Variants in ESR1 observed in about 807,000 individuals in gnomAD.
The protein encoded by ESR1 is estrogen receptor 1.
ESR1 carries 12 observed loss-of-function variants against 52.7 expected under a neutral mutation model. The observed-to-expected ratio is 0.23, with a 90% CI of 0.15 to 0.37. The LOEUF (loss-of-function observed/expected upper bound fraction) is 0.37, where lower values mean the gene tolerates loss of function less well. Among genes scored for constraint, ESR1 ranks in the 10% least tolerant of loss-of-function variants. The pLI is 1.00. For synonymous variants in ESR1, 305 were observed against 316.8 expected (o/e 0.96, Z 0.39); for missense variants, 584 against 779.7 (o/e 0.75, Z 2.99).
chr6:151,667,720 G>A (rs150296530), intron 1 of ESR1, among the ~76,000 whole-genome samples: 240 of 152,246 alleles, frequency 1.6e-3, no homozygotes, highest in Non-Finnish European at 2.7e-3. Context: ...GGAAGACAGC[G>A]ACAAAGCATT....
chr6:151,824,485 C>G (rs553282572), intron 1 of ESR1, among the ~76,000 whole-genome samples: 13 of 152,152 alleles, frequency 8.5e-5, no homozygotes, highest in African/African-American at 1.4e-4. Context: ...AATTAGATCC[C>G]ATTTGTCAAT....
chr6:151,925,153 G>A (rs2032485367), intron 3 of ESR1, among the ~76,000 whole-genome samples: 1 of 62,478 alleles, frequency 1.6e-5, no homozygotes, highest in Non-Finnish European at 3.1e-5. Context: ...TGTTTTTTTA[G>A]TATTTAATAA....
chr6:151,774,320 G>A (rs1286958341), intron 2 of ESR1, among the ~76,000 whole-genome samples: 1 of 152,218 alleles, frequency 6.6e-6, no homozygotes, highest in Non-Finnish European at 1.5e-5. Context: ...TGGAGTTTGG[G>A]AGTTCGGGAA....
chr6:151,801,790 G>A (rs2128143053), upstream of ESR1, among the ~76,000 whole-genome samples: 1 of 152,322 alleles, frequency 6.6e-6, no homozygotes, highest in Middle Eastern at 3.4e-3. Flanking sequence ...TCCCATTGCA[G>A]CAAGAAGAGT....
intron 4 of ESR1, among the ~76,000 whole-genome samples, chr6:151,991,486 T>C (rs745603687): frequency 7.9e-5 from 12 of 151,186 alleles, no homozygotes; most frequent in Non-Finnish European, 1.3e-4. Context: ...CCAAATACGG[T>C]TGAAGGAAAA....
chr6:151,965,839 A>C (rs982629425), intron 4 of ESR1, among the ~76,000 whole-genome samples: 1 of 82,064 alleles, frequency 1.2e-5, no homozygotes, highest in Admixed American at 1.5e-4. Flanking sequence ...TATAATAGCT[A>C]CTGTTCTGTG....
At chr6:151,887,297 C>A (rs892259720) in intron 3 of ESR1, among the ~76,000 whole-genome samples, 1 of 151,640 alleles carries the variant, frequency 6.6e-6, no homozygotes, top group Admixed American at 6.6e-5. Flanking sequence ...AAGCAGTAAT[C>A]TAATCTATAT....
At chr6:151,679,560 G>T (rs1052355102) in intron 1 of ESR1, among the ~76,000 whole-genome samples, 1 of 152,106 alleles carries the variant, frequency 6.6e-6, no homozygotes, top group Non-Finnish European at 1.5e-5. Context: ...ATGTCGGCCA[G>T]GCCAGGCTAC....
chr6:152,012,029 C>CACACACAT (rs2042810261), intron 5 of ESR1, among the ~76,000 whole-genome samples: 1 of 148,272 alleles, frequency 6.7e-6, no homozygotes, highest in Non-Finnish European at 1.5e-5. Context: ...CACACACACA[C>CACACACAT]ACACACACAC....
At chr6:151,894,259 T>G (rs921670554) in intron 3 of ESR1, among the ~76,000 whole-genome samples, 2 of 152,142 alleles carry the variant, frequency 1.3e-5, no homozygotes, top group Non-Finnish European at 2.9e-5. Flanking sequence ...TTTTTTTTCT[T>G]GCTAATTTGT....
chr6:151,943,018 G>A (rs1303851178), intron 3 of ESR1, among the ~76,000 whole-genome samples: 2 of 152,026 alleles, frequency 1.3e-5, no homozygotes, highest in East Asian at 3.9e-4. Flanking sequence ...AAGAATCACT[G>A]CAAAAAGATT....
chr6:152,024,602 G>A (rs902221195), intron 5 of ESR1, among the ~76,000 whole-genome samples: 4 of 149,470 alleles, frequency 2.7e-5, no homozygotes, highest in African/African-American at 9.8e-5. Context: ...TTTTATATTT[G>A]TGCCTATTGG....
At chr6:151,692,661 G>C (rs754908973) in intron 1 of ESR1, among the ~76,000 whole-genome samples, 8 of 152,210 alleles carry the variant, frequency 5.3e-5, no homozygotes, top group Non-Finnish European at 1.0e-4. Flanking sequence ...GTCTAATGAA[G>C]TGCTATTTTG....
At chr6:152,109,707 A>AAAAC (rs1433309751) in intron 6 of ESR1, among the ~76,000 whole-genome samples, 1 of 152,212 alleles carries the variant, frequency 6.6e-6, no homozygotes, top group Non-Finnish European at 1.5e-5. Context: ...AACAACAACA[A>AAAAC]AAACAGTTGC....
intron 3 of ESR1, among the ~76,000 whole-genome samples, chr6:151,905,953 T>A (rs948319861): frequency 1.3e-5 from 2 of 152,090 alleles, no homozygotes; most frequent in Non-Finnish European, 2.9e-5. Flanking sequence ...TAGCGTTCCA[T>A]TATTGGAACG....
At chr6:152,129,582 T>C (rs2054770850) in exon 7 of ESR1, 1 of 150,436 alleles carries the variant, frequency 6.6e-6, no homozygotes, top group Admixed American at 6.6e-5. Context: ...CATAAAATTG[T>C]CTTCAAACCA....
intron 3 of ESR1, among the ~76,000 whole-genome samples, chr6:151,904,076 A>G (rs939289547): frequency 6.6e-6 from 1 of 152,226 alleles, no homozygotes. Context: ...TTCAGGTCAC[A>G]TAAGCATGAC....
At chr6:151,857,948 G>C (rs576267840) in intron 2 of ESR1, among the ~76,000 whole-genome samples, 1 of 152,212 alleles carries the variant, frequency 6.6e-6, no homozygotes, top group South Asian at 2.1e-4. Context: ...TTTTTCCACA[G>C]TAAACATCTT....
At chr6:151,961,918 A>G (rs1392313130) in intron 4 of ESR1, among the ~76,000 whole-genome samples, 1 of 152,128 alleles carries the variant, frequency 6.6e-6, no homozygotes, top group Non-Finnish European at 1.5e-5. Flanking sequence ...CGGCTGGCAG[A>G]GAGTTGAATC....
Sources: allele counts gnomAD v4.1 joint callset (sites outside exome capture counted in the v4.1 genomes callset), GRCh38; gene constraint gnomAD v4.1.1; transcripts MANE v1.5; gene names NCBI Gene and HGNC (gene_info 2026-07-23, HGNC 2026-07-21).